The following C6orf132 variants were observed in gnomAD, a reference collection of about 807,000 sequenced individuals.
C6orf132 encodes uncharacterized protein C6orf132.
A neutral mutation model predicts 65.3 loss-of-function variants in C6orf132; 43 were observed. The ratio of observed to expected loss-of-function variants is 0.66; its 90% CI spans 0.52 to 0.85. The LOEUF is 0.85. C6orf132 is among the 40% of genes least tolerant of loss of function. The pLI is 0.00. For synonymous variants in C6orf132, 631 were observed against 654.1 expected, an observed-to-expected ratio of 0.96 and a Z score of 0.54; for missense variants, 1,488 against 1,548.8, an observed-to-expected ratio of 0.96 and a Z score of 0.66.
At chr6:42,135,733 T>C (rs1317969216) in intron 1 of C6orf132, among the ~76,000 whole-genome samples, 1 of 152,242 alleles carries the variant, frequency 6.6e-6, no homozygotes, top group Non-Finnish European at 1.5e-5. Context: ...CTATTAAGCC[T>C]GTGTTATGAG....
chr6:42,104,533 G>C lies in C6orf132; in HGVS notation c.3379C>G (p.Arg1127Gly), dbSNP rs1048042861. 4.9e-6 allele frequency: 6 copies of C among 1,234,906 alleles called. No individual in the cohort carries two copies. The highest frequency in any genetic ancestry group is 6.1e-6 in the Non-Finnish European group (6 of 990,304). The allele number at this position is 1,234,906 out of a possible 1,614,324, so 76.5% of individuals were successfully genotyped here. Reference protein sequence around the residue: ...APRLSLEGAARGAAEAKHKAP... With the variant: ...APRLSLEGAAGGAAEAKHKAP... ...TTGTGCTTGGCCTCCGCGGCGCCCC[G>C]GGCGGCGCCCTCCAGGGACAGCCTC... The change falls in exon 4 of 5, where the codon CGG becomes GGG. Residue 1127 changes from arginine (R) to glycine (G), a missense_variant. Transcript: ENST00000341865. The surrounding 1 kb of genome is among the most constrained non-coding windows in gnomAD (Gnocchi z 4.1).
At chr6:42,117,655 C>T (rs1766603373) in intron 2 of C6orf132, among the ~76,000 whole-genome samples, 1 of 152,046 alleles carries the variant, frequency 6.6e-6, no homozygotes, top group Admixed American at 6.5e-5. Context: ...GGCATGGTGG[C>T]TCACGCCTGT....
chr6:42,127,051 C>T (rs1177512390), intron 2 of C6orf132, among the ~76,000 whole-genome samples: 2 of 151,946 alleles, frequency 1.3e-5, no homozygotes, highest in Non-Finnish European at 2.9e-5. Context: ...ACCTCCTGAG[C>T]TCAAGCAATC....
chr6:42,138,813 T>A (rs1396197628), intron 1 of C6orf132, among the ~76,000 whole-genome samples: 1 of 146,184 alleles, frequency 6.8e-6, no homozygotes, highest in Non-Finnish European at 1.5e-5. Flanking sequence ...ATCTTGGGAT[T>A]TGCGAAGATC....
chr6:42,142,515 T>A lies in C6orf132; in HGVS notation c.-71A>T. On this transcript the variant is annotated 5_prime_UTR_variant, in exon 1 of 5. Transcript: ENST00000341865. ...CGCCCTGCCCTGCCCCGGACTGAACTCAGCACGGTCTCCCCAGGGGACTCT... is the reference window on the plus strand; with the variant it reads ...CGCCCTGCCCTGCCCCGGACTGAACACAGCACGGTCTCCCCAGGGGACTCT... The A allele has an allele frequency of 7.5e-7, 1 of 1,336,896 alleles. No individual in the cohort carries two copies. Among genetic ancestry groups the A allele is most frequent in the Non-Finnish European group, 9.9e-7 (1 of 1,011,370 alleles). 82.8% of individuals were successfully genotyped at this position (1,336,896 alleles called of 1,614,324 possible).
chr6:42,105,183 G>A lies in C6orf132; in HGVS notation c.2729C>T (p.Thr910Ile), dbSNP rs1766374121. ...CGGCCCCCACTTATTGGGTATTTCG[G>A]TCGTCAGCGGGGAGTCCTTCTCAGC... ...KEAEKDSPLT[T>I]EIPNKWGPRL... Residue 910 changes from threonine to isoleucine, a missense_variant, in exon 4 of 5, where the codon ACC (threonine) becomes ATC (isoleucine). Physicochemically the swap from Thr to Ile is moderately conservative, Grantham distance 89 (BLOSUM62 -1). Transcript: ENST00000341865. 5 of 1,537,186 alleles carry A rather than the reference G, an allele frequency of 3.3e-6. No individual in the cohort carries two copies. The highest frequency in any genetic ancestry group is 2.4e-5 in the East Asian group (1 of 40,908).
chr6:42,104,989 C>T lies in C6orf132; in HGVS notation c.2923G>A (p.Glu975Lys), dbSNP rs1243615787. 4.0e-6 allele frequency: 6 copies of T among 1,513,218 alleles called. No individual in the cohort carries two copies. The Admixed American group carries it at 8.6e-5, about 22-fold the overall frequency. The allele number at this position is 1,513,218 out of a possible 1,614,324, so 93.7% of individuals were successfully genotyped here. A position where few individuals can be genotyped will look rare whatever the true frequency, so the allele number is the denominator to read the frequency against. The change falls in exon 4 of 5, where the codon GAG becomes AAG. Residue 975 changes from glutamate (E) to lysine (K), a missense_variant. By Grantham distance (56) the Glu-to-Lys change is moderately conservative (BLOSUM62 1). Coordinates refer to ENST00000341865, the MANE Select transcript of C6orf132 (RefSeq NM_001164446.3). The surrounding 1 kb of genome is among the most constrained non-coding windows in gnomAD (Gnocchi z 4.1). ...AAGTTGAACTCCTCCTCCTCCTCCT[C>T]CCTCTTGTTCGAAGGAGAAGGTGGG... is the stretch of plus-strand genomic sequence containing the variant. Reference protein sequence around the residue: ...SSPPSPSNKREEEEEEFNFEV... With the variant: ...SSPPSPSNKRKEEEEEFNFEV...
rs1766331640 is a variant in C6orf132 at position 42,103,536 on chromosome 6, C to CAA, written c.*224_*225insTT. 2.6e-6 allele frequency: 1 copy of CAA among 379,832 alleles called. No homozygotes were observed. The allele number at this position is 379,832 out of a possible 1,614,324, so 23.5% of individuals were successfully genotyped here. On this transcript the variant is annotated 3_prime_UTR_variant, in exon 5 of 5. Transcript: ENST00000341865. ...ACCCTCCTTCCCCTCCCACCCCCCA[C>CAA]GTGTAAACAGTCCACAGTCACACCA... is the stretch of plus-strand genomic sequence containing the variant.
Position 42,106,495 on chromosome 6 carries a change from C to T in C6orf132, c.1417G>A (p.Glu473Lys), listed in dbSNP as rs1191749885. 11 of 1,535,224 alleles carry T rather than the reference C, an allele frequency of 7.2e-6. No individual in the cohort carries two copies. The highest frequency in any genetic ancestry group is 5.9e-5 in the Admixed American group (3 of 50,936). Residue 473 changes from glutamate (E) to lysine (K), a missense_variant, in exon 4 of 5, where the codon GAG (glutamate) becomes AAG (lysine). Physicochemically the swap from Glu to Lys is moderately conservative, Grantham distance 56 (BLOSUM62 1). Coordinates refer to ENST00000341865, the MANE Select transcript of C6orf132 (RefSeq NM_001164446.3). The part of the protein sequence containing the change: ...DPSQMEKLRN[E>K]LAAYLCGSRR... ...GAGCCACAGAGATAGGCTGCCAGCT[C>T]GTTCCGCAGCTTTTCCATCTGGCTG...
intron 2 of C6orf132, among the ~76,000 whole-genome samples, chr6:42,122,197 C>T (rs1479374021): frequency 6.6e-6 from 1 of 152,212 alleles, no homozygotes; most frequent in African/African-American, 2.4e-5. Flanking sequence ...GAGAACCACC[C>T]TTAGACCCAG....
rs1766385644 is a variant in C6orf132 at position 42,105,531 on chromosome 6, G to A, written c.2381C>T (p.Ala794Val). Reference protein sequence around the residue: ...VVMPTLARGGAAGPGEPVEVK... With the variant: ...VVMPTLARGGVAGPGEPVEVK... ...CTCCACGGGCTCCCCTGGCCCTGCA[G>A]CCCCTCCTCTGGCCAGGGTGGGCAT... is the stretch of plus-strand genomic sequence containing the variant. The change falls in exon 4 of 5, where the codon GCT (alanine) becomes GTT (valine). Residue 794 changes from alanine (A) to valine (V), a missense_variant. Transcript: ENST00000341865. 1 of 1,533,946 alleles carries A rather than the reference G, an allele frequency of 6.5e-7. No homozygotes were observed.
chr6:42,127,864 A>T (rs1244792057), intron 2 of C6orf132, among the ~76,000 whole-genome samples: 1 of 152,146 alleles, frequency 6.6e-6, no homozygotes, highest in Non-Finnish European at 1.5e-5. Context: ...CTTAGCATGA[A>T]AAAAAAGAAT....
chr6:42,132,113 C>T (rs1766862281), intron 1 of C6orf132, among the ~76,000 whole-genome samples: 1 of 152,192 alleles, frequency 6.6e-6, no homozygotes, highest in Non-Finnish European at 1.5e-5. Context: ...AACAGACTCT[C>T]CTGGAGCCTC....
intron 1 of C6orf132, among the ~76,000 whole-genome samples, chr6:42,130,719 A>G (rs1289479439): frequency 6.6e-6 from 1 of 152,174 alleles, no homozygotes; most frequent in Non-Finnish European, 1.5e-5. Flanking sequence ...GGCAAGCATG[A>G]TAACTGTAAT....
In C6orf132 at chr6:42,142,281, C is replaced by T; in HGVS notation, c.145+19G>A. 6.5e-7 allele frequency: 1 copy of T among 1,547,126 alleles called. No homozygotes were observed. The highest frequency in any genetic ancestry group is 8.7e-7 in the Non-Finnish European group (1 of 1,144,962). On this transcript the variant is annotated intron_variant, in intron 1 of 4. Coordinates refer to ENST00000341865, the MANE Select transcript of C6orf132 (RefSeq NM_001164446.3). Reference sequence around the variant, plus strand: ...CCCTCCGTCCCCGCCCCAGCGCCCTCCGTCCCCGGAGTACTCACCGAAGCC... The same window carrying T: ...CCCTCCGTCCCCGCCCCAGCGCCCTTCGTCCCCGGAGTACTCACCGAAGCC...
chr6:42,109,157 G>A (rs1464777338), intron 3 of C6orf132, among the ~76,000 whole-genome samples: 3 of 152,138 alleles, frequency 2.0e-5, no homozygotes, highest in Non-Finnish European at 2.9e-5. Context: ...CAGTCCGGCC[G>A]GGTGCGGTGG....
intron 2 of C6orf132, among the ~76,000 whole-genome samples, chr6:42,112,545 G>T (rs554563489): frequency 5.8e-4 from 88 of 152,364 alleles, no homozygotes; most frequent in African/African-American, 2.0e-3. Context: ...TAGGGAAGCT[G>T]TGAGGACTAA....
intron 1 of C6orf132, among the ~76,000 whole-genome samples, 195 bp downstream of exon 1, chr6:42,142,105 C>T (rs553875171): frequency 6.3e-4 from 96 of 152,206 alleles, no homozygotes; most frequent in African/African-American, 2.1e-3. Flanking sequence ...CCCTCGTTCC[C>T]CACACCTCTC....
chr6:42,116,171 G>T (rs1002331595), intron 2 of C6orf132, among the ~76,000 whole-genome samples: 1 of 151,354 alleles, frequency 6.6e-6, no homozygotes, highest in Non-Finnish European at 1.5e-5. Context: ...CTTGTGATCC[G>T]CCCGCCGTGG....
Sources: gnomAD v4.1 joint callset for allele counts (sites outside exome capture counted in the v4.1 genomes callset) on GRCh38, gnomAD v4.1.1 for gene constraint, Gnocchi (gnomAD v3.1) non-coding constraint, MANE v1.5 for transcripts, NCBI Gene and HGNC (gene_info 2026-07-23, HGNC 2026-07-21) for gene names.